PAK4: variants seen among roughly 807,000 people sequenced by gnomAD.
The protein encoded by PAK4 is serine/threonine-protein kinase PAK 4.
PAK4 carries 49 observed loss-of-function variants against 53.5 expected under a neutral mutation model. The observed-to-expected ratio is 0.92, with a 90% confidence interval of 0.73 to 1.16. The LOEUF (loss-of-function observed/expected upper bound fraction) is 1.16, where lower values mean the gene tolerates loss of function less well. PAK4 is among the 50% of genes most tolerant of loss of function. The pLI is 0.00. For synonymous variants in PAK4, 376 were observed against 375.6 expected (o/e 1.00, Z -0.01); for missense variants, 824 against 850.7 (o/e 0.97, Z 0.39).
At chr19:39,131,980 G>A (rs557185187) in intron 1 of PAK4, among the ~76,000 whole-genome samples, 84 of 152,302 alleles carry the variant, frequency 5.5e-4, no homozygotes, top group African/African-American at 1.9e-3. Context: ...TAAGTGCTTG[G>A]TAAATGTTGA....
chr19:39,137,888 G>T (rs1488649932), intron 1 of PAK4, among the ~76,000 whole-genome samples: 1 of 151,880 alleles, frequency 6.6e-6, no homozygotes, highest in Non-Finnish European at 1.5e-5. Context: ...GGATGGTCTC[G>T]ATCTCCTGAC....
intron 1 of PAK4, chr19:39,152,332 T>C (rs1350422344): frequency 2.0e-5 from 3 of 152,190 alleles, no homozygotes; most frequent in Non-Finnish European, 2.9e-5. Flanking sequence ...CATCTGTGGC[T>C]ACTCAGTAGC....
chr19:39,151,490 G>T (rs994610177), intron 1 of PAK4, among the ~76,000 whole-genome samples: 1 of 152,220 alleles, frequency 6.6e-6, no homozygotes, highest in African/African-American at 2.4e-5. Context: ...AGACAAACTT[G>T]CACACCTGTG....
chr19:39,179,383 A>G (rs1194485029), exon 9 of PAK4: 1 of 150,684 alleles, frequency 6.6e-6, no homozygotes, highest in Non-Finnish European at 1.5e-5. Flanking sequence ...TAGTTTTACA[A>G]TTAAAACATT....
chr19:39,178,398 C>G lies in PAK4; in HGVS notation c.1621-26C>G, dbSNP rs181821782. 3.4e-4 allele frequency: 534 copies of G among 1,564,036 alleles called. 4 individuals are homozygous for G. In the African/African-American group the frequency reaches 4.7e-3, roughly 14 times the overall value. On this transcript the variant is annotated intron_variant, in intron 8 of 8. Coordinates refer to ENST00000358301, the Ensembl canonical transcript of PAK4. The surrounding 1 kb of genome is among the most constrained non-coding windows in gnomAD (Gnocchi z 4.4). ...AAATGAACAGTGGGGAGCCTCGCCC[C>G]CTGACCCTCCCCTCCTTCTCGACAG...
chr19:39,171,307 C>G (rs1837150708), intron 2 of PAK4, among the ~76,000 whole-genome samples: 1 of 151,188 alleles, frequency 6.6e-6, no homozygotes, highest in Admixed American at 6.6e-5. Context: ...CTCCTGGGTT[C>G]AAGCGATTTT....
chr19:39,158,201 ATGTGCATGTGTGGGTGTGCGTGTG>A (rs375458248), intron 1 of PAK4, among the ~76,000 whole-genome samples: 1 of 149,278 alleles, frequency 6.7e-6, no homozygotes, highest in Non-Finnish European at 1.5e-5. Flanking sequence ...GCGTGCATGT[ATGTGCATGTGTGGGTGTGCGTGTG>A]TGTGCATGTG....
chr19:39,144,362 G>A (rs1029926389), intron 1 of PAK4, among the ~76,000 whole-genome samples: 1 of 152,182 alleles, frequency 6.6e-6, no homozygotes, highest in Non-Finnish European at 1.5e-5. Flanking sequence ...TTTGCACCAG[G>A]ATGGAGCCTG....
rs1385270936 is a variant in PAK4 at position 39,175,615 on chromosome 19, G to A, written c.1359+177G>A. Among the ~76,000 whole-genome samples, 1 of 152,172 alleles carries A rather than the reference G, an allele frequency of 6.6e-6. No homozygotes were observed. Among genetic ancestry groups the A allele is most frequent in the Non-Finnish European group, 1.5e-5 (1 of 68,016 alleles). ...CCCAGAGTCAGGTTCCAGCTCAGTG[G>A]GGACTCTGTGCAGTGGGAGGGCACA... On this transcript the variant is annotated intron_variant, in intron 6 of 8. Coordinates refer to ENST00000358301, the Ensembl canonical transcript of PAK4. The surrounding 1 kb of genome is among the most constrained non-coding windows in gnomAD (Gnocchi z 4.7).
chr19:39,128,321 G>A (rs902246820), intron 1 of PAK4, among the ~76,000 whole-genome samples: 6 of 152,150 alleles, frequency 3.9e-5, no homozygotes, highest in Non-Finnish European at 8.8e-5. Context: ...CTCAGAGACA[G>A]TGGAGGCCCT....
In PAK4 at chr19:39,175,383, G is replaced by A. The variant is rs1303115523; in HGVS notation, c.1304G>A (p.Gly435Asp). The change falls in exon 6 of 9, where the codon GGC becomes GAC. Residue 435 changes from glycine to aspartate, a missense_variant. Coordinates refer to ENST00000358301, the Ensembl canonical transcript of PAK4. This position sits in a 1 kb window ranked among gnomAD's most constrained non-coding sequence, Gnocchi z 4.7. ...GCCCTGTCGGTGCTCCACGCCCAGG[G>A]CGTCATCCACCGGGACATCAAGAGC... The A allele has an allele frequency of 6.2e-7, 1 of 1,610,998 alleles. No individual in the cohort carries two copies. Among genetic ancestry groups the A allele is most frequent in the Non-Finnish European group, 8.5e-7 (1 of 1,179,194 alleles).
intron 1 of PAK4, among the ~76,000 whole-genome samples, chr19:39,153,255 CTTTTTAAT>C (rs2074122826): frequency 1.7e-5 from 2 of 120,206 alleles, no homozygotes; most frequent in South Asian, 6.0e-4. Flanking sequence ...AGCATCCACT[CTTTTTAAT>C]TTTAATTTTT....
intron 1 of PAK4, among the ~76,000 whole-genome samples, chr19:39,126,181 GTC>G (rs1464526740): frequency 6.6e-6 from 1 of 152,048 alleles, no homozygotes; most frequent in East Asian, 1.9e-4. Flanking sequence ...TTCTGGGCGA[GTC>G]TCAAAAAAGG....
chr19:39,169,728 A>T lies in PAK4; in HGVS notation c.175A>T (p.Ile59Phe), dbSNP rs767710744. ...CAAGCCCCTCGTCGACCCCGCCTGC[A>T]TCACCTCCATCCAGCCCGGGGCCCC... The change falls in exon 2 of 9, where the codon ATC becomes TTC. Residue 59 changes from isoleucine (I) to phenylalanine (F), a missense_variant. This residue lies in a region of PAK4 where 478 missense variants were observed against 435.8 expected (regional missense o/e 1.10). Coordinates refer to ENST00000358301, the Ensembl canonical transcript of PAK4. The T allele has an allele frequency of 3.1e-6, 5 of 1,608,440 alleles. No homozygotes were observed. In the East Asian group the frequency reaches 1.1e-4, roughly 36 times the overall value.
Position 39,177,149 on chromosome 19 carries a change from G to A in PAK4, c.1485+434G>A, listed in dbSNP as rs746363131. Among the ~76,000 whole-genome samples the A allele has an allele frequency of 1.2e-3, 188 of 152,312 alleles. 1 individual carries two copies. Among genetic ancestry groups the A allele is most frequent in the Non-Finnish European group, 1.6e-3 (106 of 68,024 alleles). On this transcript the variant is annotated intron_variant, in intron 7 of 8. Coordinates refer to ENST00000358301, the Ensembl canonical transcript of PAK4. ...CCTAAAGTGCTGGGATTACAGATGT[G>A]AGCCACCGCGCCCAGCCTTGGCTCT...
At chr19:39,154,641 C>A (rs1787797238) in intron 1 of PAK4, among the ~76,000 whole-genome samples, 1 of 152,164 alleles carries the variant, frequency 6.6e-6, no homozygotes, top group African/African-American at 2.4e-5. Flanking sequence ...GAGAATCGCC[C>A]AGTGCAGCTC....
chr19:39,169,675 G>T (rs1025059519), exon 2 of PAK4: 1 of 1,613,310 alleles, frequency 6.2e-7, no homozygotes, highest in South Asian at 1.1e-5. Context: ...CAGTGGCAGA[G>T]CCTGATCGAG....
At chr19:39,151,268 A>G (rs2074089651) in intron 1 of PAK4, among the ~76,000 whole-genome samples, 1 of 152,206 alleles carries the variant, frequency 6.6e-6, no homozygotes, top group Non-Finnish European at 1.5e-5. Context: ...AATATGAAAA[A>G]TGCTCAACCC....
chr19:39,170,197 C>G (rs1394480407), intron 2 of PAK4, among the ~76,000 whole-genome samples: 1 of 152,120 alleles, frequency 6.6e-6, no homozygotes, highest in Non-Finnish European at 1.5e-5. Flanking sequence ...GAGGAGGCAC[C>G]TGACACAGAC....
Sources: allele counts gnomAD v4.1 joint callset (sites outside exome capture counted in the v4.1 genomes callset), GRCh38; gene constraint gnomAD v4.1.1; regional missense constraint gnomAD v4.1.1; non-coding constraint Gnocchi (gnomAD v3.1); transcripts MANE v1.5; gene names NCBI Gene and HGNC (gene_info 2026-07-23, HGNC 2026-07-21).